TAF6L: variants seen among roughly 807,000 people sequenced by gnomAD.
TAF6L encodes the protein TATA-box binding protein associated factor 6 like.
A neutral mutation model predicts 57.3 loss-of-function variants in TAF6L; 34 were observed. The observed-to-expected ratio is 0.59, with a 90% CI of 0.45 to 0.79. TAF6L has a LOEUF of 0.79. Ranked by LOEUF, TAF6L falls within the 30% of genes least tolerant of loss-of-function variation. The pLI, the probability that TAF6L is intolerant of heterozygous loss-of-function variation, is 0.00. For missense variants in TAF6L, 782 were observed against 853.2 expected (o/e 0.92, Z 1.04); for synonymous variants, 417 against 376.3 (o/e 1.11, Z -1.25).
At position 62,775,846 on chromosome 11, in the gene TAF6L, G is replaced by A. The variant is rs369124738; in HGVS notation, c.63G>A (p.Ala21=). 274 of 1,613,546 alleles carry A rather than the reference G, an allele frequency of 1.7e-4. No homozygotes were observed. The highest frequency in any genetic ancestry group is 2.2e-4 in the Non-Finnish European group (257 of 1,180,006). ...CTCGGGAGTCTGTCCGGCTCATGGC[G>A]GAGAGCACGGGCCTGGAGCTGAGCG... ...EIPRESVRLM[A]ESTGLELSDE... Residue 21 remains alanine, a synonymous_variant, in exon 2 of 11, where the codon GCG becomes GCA. Coordinates refer to ENST00000294168, the MANE Select transcript of TAF6L (RefSeq NM_006473.4).
chr11:62,787,164 G>C lies in TAF6L; in HGVS notation c.1737G>C (p.Gln579His), dbSNP rs553298284. Reference protein sequence around the residue: ...AGRRCRGRLFQTAFPAPYGPS... With the variant: ...AGRRCRGRLFHTAFPAPYGPS... ...GGCGCTGCCGCGGGCGCCTTTTCCA[G>C]ACTGCCTTCCCCGCGCCGTACGGGC... is the stretch of plus-strand genomic sequence containing the variant. Residue 579 changes from glutamine (Q) to histidine (H), a missense_variant, in exon 11 of 11, where the codon CAG becomes CAC. Transcript: ENST00000294168. The C allele has an allele frequency of 5.1e-6, 8 of 1,581,116 alleles. No homozygotes were observed. Among genetic ancestry groups the C allele is most frequent in the Non-Finnish European group, 6.8e-6 (8 of 1,172,798 alleles).
intron 2 of TAF6L, 98 bp downstream of exon 2, chr11:62,776,028 C>T: frequency 1.4e-6 from 2 of 1,404,704 alleles, no homozygotes; most frequent in South Asian, 1.4e-5. Flanking sequence ...ACACTGGGTG[C>T]CTGCTCCATA....
At chr11:62,775,393 A>C (rs1400164585) in intron 1 of TAF6L, among the ~76,000 whole-genome samples, 1 of 152,224 alleles carries the variant, frequency 6.6e-6, no homozygotes, top group Non-Finnish European at 1.5e-5. Context: ...CAGCCAAATC[A>C]TATCAGTCAT....
At chr11:62,775,329 C>G (rs888185857) in intron 1 of TAF6L, among the ~76,000 whole-genome samples, 1 of 152,152 alleles carries the variant, frequency 6.6e-6, no homozygotes, top group South Asian at 2.1e-4. Flanking sequence ...CACCTGGTCC[C>G]GCTCTTGACA....
intron 9 of TAF6L, 73 bp downstream of exon 9, chr11:62,782,898 G>A (rs969032261): frequency 1.3e-5 from 21 of 1,578,332 alleles, no homozygotes; most frequent in Admixed American, 6.9e-5. Flanking sequence ...CTTGTGCATC[G>A]TTATCTCCAA....
chr11:62,786,129 C>T (rs1432671158), intron 9 of TAF6L, 131 bp from the exon 10 acceptor site: 2 of 1,146,106 alleles, frequency 1.7e-6, no homozygotes, highest in Non-Finnish European at 2.5e-6. Context: ...TTGAATATGC[C>T]AATCAGGGAA....
rs1168404267 is a variant in TAF6L, at chr11:62,787,152, G to A, written c.1725G>A (p.Gly575=). ...AGRQAGRRCR[G]RLFQTAFPAP... ...GGCAGGCTGGGAGGCGCTGCCGCGGGCGCCTTTTCCAGACTGCCTTCCCCG... is the reference window on the plus strand; with the variant it reads ...GGCAGGCTGGGAGGCGCTGCCGCGGACGCCTTTTCCAGACTGCCTTCCCCG... The change falls in exon 11 of 11, where the codon GGG becomes GGA. Residue 575 remains glycine (G), a synonymous_variant. Transcript: ENST00000294168. 6.4e-7 allele frequency: 1 copy of A among 1,574,072 alleles called. No individual in the cohort carries two copies. The highest frequency in any genetic ancestry group is 8.6e-7 in the Non-Finnish European group (1 of 1,169,478).
Position 62,786,716 on chromosome 11 carries a change from A to C in TAF6L, c.1289A>C (p.Asp430Ala), listed in dbSNP as rs1590939906. Residue 430 changes from aspartate (D) to alanine (A), a missense_variant, in exon 11 of 11, where the codon GAC becomes GCC. By Grantham distance (126) the Asp-to-Ala change is moderately radical. Transcript: ENST00000294168. The part of the protein sequence containing the change: ...PLPPGGAGPE[D>A]PSLSVTLADI... ...CCGCCAGGGGGCGCGGGGCCGGAGG[A>C]CCCTTCTCTTTCGGTGACCCTGGCC... The C allele has an allele frequency of 6.2e-7, 1 of 1,611,718 alleles. No homozygotes were observed. The highest frequency in any genetic ancestry group is 1.3e-5 in the African/African-American group (1 of 74,448).
intron 9 of TAF6L, among the ~76,000 whole-genome samples, chr11:62,785,584 G>A (rs902565242): frequency 2.0e-5 from 3 of 151,088 alleles, no homozygotes; most frequent in African/African-American, 7.3e-5. Flanking sequence ...TCCCAGGGTG[G>A]AGTGCGGTGG....
intron 4 of TAF6L, 59 bp from the exon 5 acceptor site, chr11:62,778,226 T>C: frequency 2.5e-6 from 4 of 1,613,156 alleles, no homozygotes; most frequent in Non-Finnish European, 3.4e-6. Flanking sequence ...CTTGGAGGGG[T>C]AGGCGGTACT....
At chr11:62,783,470 A>C (rs2084245785) in intron 9 of TAF6L, among the ~76,000 whole-genome samples, 1 of 149,880 alleles carries the variant, frequency 6.7e-6, no homozygotes, top group Non-Finnish European at 1.5e-5. Flanking sequence ...CGACAGAGCG[A>C]GACTCTGTCT....
At chr11:62,773,448 A>ATT (rs112592058) in intron 1 of TAF6L, among the ~76,000 whole-genome samples, 19 of 135,822 alleles carry the variant, frequency 1.4e-4, no homozygotes, top group Admixed American at 1.5e-4. Flanking sequence ...CCGGCCTACA[A>ATT]TTTTTTTTTT....
rs749382287 is a variant in TAF6L at position 62,778,951 on chromosome 11, G to A, written c.519G>A (p.Pro173=). The A allele has an allele frequency of 9.9e-6, 16 of 1,613,572 alleles. No homozygotes were observed. In the East Asian group the frequency reaches 1.8e-4, roughly 18 times the overall value. Residue 173 remains proline, a synonymous_variant, in exon 6 of 11, where the codon CCG becomes CCA. Transcript: ENST00000294168. ...CTCGTGCTGTGCTAGGGGATGATCC[G>A]CAACTGATGAAGGTGAGCGAGTGGG... ...QVTRAVLGDD[P]QLMKVALQDL... is the part of the protein sequence containing the mutation.
rs1432160805 is a variant in TAF6L, at chr11:62,783,574, G to C, written c.960+749G>C. Among the ~76,000 whole-genome samples the C allele has an allele frequency of 3.7e-4, 54 of 146,254 alleles. No homozygotes were observed. In the East Asian group the frequency reaches 0.01, roughly 27 times the overall value. On this transcript the variant is annotated intron_variant, in intron 9 of 10. Transcript: ENST00000294168. ...TTTGAGACGGAGTTTTGCTCTTGTC[G>C]CCCAGGCTAGAGTACAGTGGCATGA...
At chr11:62,784,446 A>G (rs1446415151) in intron 9 of TAF6L, among the ~76,000 whole-genome samples, 2 of 151,176 alleles carry the variant, frequency 1.3e-5, no homozygotes, top group Non-Finnish European at 2.9e-5. Flanking sequence ...AGCTGGGACT[A>G]CAGGCGCCCG....
At chr11:62,776,903 C>G (rs619109) in intron 3 of TAF6L, among the ~76,000 whole-genome samples, 3,646 of 150,766 alleles carry the variant, frequency 0.024, 145 homozygotes, top group African/African-American at 0.083. Context: ...AATCCCAGCA[C>G]TTTGGGAGGT....
intron 3 of TAF6L, among the ~76,000 whole-genome samples, chr11:62,777,213 A>G (rs145087015): frequency 0.019 from 2,921 of 151,562 alleles, 90 homozygotes; most frequent in African/African-American, 0.065. Flanking sequence ...TGTAATCCCA[A>G]CTACCTGGGA....
intron 1 of TAF6L, among the ~76,000 whole-genome samples, chr11:62,772,884 T>C (rs2084159863): frequency 6.6e-6 from 1 of 151,934 alleles, no homozygotes; most frequent in South Asian, 2.1e-4. Flanking sequence ...TTTTTTGTTT[T>C]GTGTTTTTTT....
intron 6 of TAF6L, among the ~76,000 whole-genome samples, chr11:62,781,449 A>G (rs560714511): frequency 4.9e-4 from 75 of 152,094 alleles, no homozygotes; most frequent in African/African-American, 1.5e-3. Context: ...TGAGGTGGGC[A>G]GATCACGAGG....
Sources: gnomAD v4.1 joint callset for allele counts (sites outside exome capture counted in the v4.1 genomes callset) on GRCh38, gnomAD v4.1.1 for gene constraint, MANE v1.5 for transcripts, NCBI Gene and HGNC (gene_info 2026-07-23, HGNC 2026-07-21) for gene names.